The following NLRC4 variants were observed in gnomAD, a reference collection of about 807,000 sequenced individuals.
NLRC4 encodes NLR family CARD domain containing 4.
Under a neutral mutation model 79.9 loss-of-function variants are expected in NLRC4, and 63 were observed. The ratio of observed to expected loss-of-function variants is 0.79; its 90% confidence interval spans 0.64 to 0.97. The LOEUF (loss-of-function observed/expected upper bound fraction) is 0.97. NLRC4 is among the 50% of genes least tolerant of loss of function. The probability of loss-of-function intolerance (pLI) is 0.00; values close to 1 mark genes in which losing one functional copy is unlikely to be tolerated. For synonymous variants in NLRC4, 461 were observed against 456.5 expected, an observed-to-expected ratio of 1.01 and a Z score of -0.12; for missense variants, 1,074 against 1,215.2, an observed-to-expected ratio of 0.88 and a Z score of 1.73.
At chr2:32,255,449 A>G (rs1380054326) in intron 2 of NLRC4, among the ~76,000 whole-genome samples, 1 of 150,640 alleles carries the variant, frequency 6.6e-6, no homozygotes, top group Non-Finnish European at 1.5e-5. Context: ...GAACCTGGGA[A>G]GCAGAGGTTG....
Position 32,252,552 on chromosome 2 carries a change from G to A in NLRC4, c.129C>T (p.Cys43=), listed in dbSNP as rs200374202. The part of the protein sequence containing the change: ...LNREEVNIIC[C]EKVEQDAARG... ...TAGCAGCATCCTGCTCCACCTTCTC[G>A]CAGCAAATGATGTTTACTTCTTCGC... The change falls in exon 3 of 9, where the codon TGC becomes TGT. Residue 43 remains cysteine, a synonymous_variant. Transcript: ENST00000402280. 3.1e-5 allele frequency: 50 copies of A among 1,614,130 alleles called. No homozygotes were observed. The Middle Eastern group carries it at 9.9e-4, about 32-fold the overall frequency.
intron 1 of NLRC4, among the ~76,000 whole-genome samples, chr2:32,260,560 A>G (rs1687319456): frequency 6.6e-6 from 1 of 152,204 alleles, no homozygotes; most frequent in Non-Finnish European, 1.5e-5. Context: ...CCCAAATCAT[A>G]TCTTTTCTAA....
intron 8 of NLRC4, among the ~76,000 whole-genome samples, chr2:32,225,073 G>T (rs560180232): frequency 9.9e-5 from 15 of 152,110 alleles, no homozygotes; most frequent in African/African-American, 3.1e-4. Context: ...GAAATGGAAG[G>T]TTGCTTTAAT....
chr2:32,240,091 C>T (rs1378238746), intron 5 of NLRC4, among the ~76,000 whole-genome samples: 1 of 152,150 alleles, frequency 6.6e-6, no homozygotes, highest in Non-Finnish European at 1.5e-5. Flanking sequence ...AGTGATTATC[C>T]TTCCTCAGCC....
rs149360963 is a variant in NLRC4 at position 32,252,558 on chromosome 2, A to G, written c.123T>C (p.Ile41=). 2.5e-4 allele frequency: 406 copies of G among 1,614,100 alleles called. No homozygotes were observed. The highest frequency in any genetic ancestry group is 3.4e-4 in the Non-Finnish European group (399 of 1,180,040). The change falls in exon 3 of 9, where the codon ATT becomes ATC. Residue 41 remains isoleucine, a synonymous_variant. Coordinates refer to ENST00000402280, the MANE Select transcript of NLRC4 (RefSeq NM_001199138.2). ...NVLNREEVNI[I]CCEKVEQDAA... The stretch of plus-strand genomic sequence containing the variant: ...CATCCTGCTCCACCTTCTCGCAGCA[A>G]ATGATGTTTACTTCTTCGCGATTCA...
intron 4 of NLRC4, among the ~76,000 whole-genome samples, chr2:32,244,326 T>C (rs1216038498): frequency 6.6e-6 from 1 of 151,940 alleles, no homozygotes; most frequent in East Asian, 1.9e-4. Flanking sequence ...TATAAATGGA[T>C]ACAGAAAACA....
chr2:32,261,821 G>T (rs948564177), intron 1 of NLRC4, among the ~76,000 whole-genome samples: 1 of 151,876 alleles, frequency 6.6e-6, no homozygotes, highest in Non-Finnish European at 1.5e-5. Context: ...GGTGGCTCAC[G>T]CCTGTAATCC....
chr2:32,253,016 T>TA lies in NLRC4; in HGVS notation c.2-338dup, dbSNP rs752243478. Among the ~76,000 whole-genome samples the TA allele has an allele frequency of 7.0e-3, 1,019 of 145,306 alleles. 13 individuals are homozygous for TA. Among genetic ancestry groups the TA allele is most frequent in the African/African-American group, 0.022 (877 of 39,964 alleles). The stretch of plus-strand genomic sequence containing the variant: ...CTGGGCGAAAGAGCGAGACTCCGTC[T>TA]AAAAAAAAAAAATTAAATATGCATA... On this transcript the variant is annotated intron_variant, in intron 2 of 8. Coordinates refer to ENST00000402280, the MANE Select transcript of NLRC4 (RefSeq NM_001199138.2).
chr2:32,236,991 C>A (rs974091931), intron 6 of NLRC4, among the ~76,000 whole-genome samples: 2 of 152,066 alleles, frequency 1.3e-5, no homozygotes, highest in Non-Finnish European at 2.9e-5. Flanking sequence ...TTTTTTAAAG[C>A]AAGACCCAGT....
intron 7 of NLRC4, 139 bp downstream of exon 7, chr2:32,236,108 G>C: frequency 1.8e-6 from 1 of 549,778 alleles, no homozygotes; most frequent in Non-Finnish European, 3.2e-6. Flanking sequence ...GTTTAAGAAA[G>C]GCCTAAATGA....
At chr2:32,240,714 A>G (rs889035621) in intron 5 of NLRC4, among the ~76,000 whole-genome samples, 10 of 152,172 alleles carry the variant, frequency 6.6e-5, no homozygotes, top group African/African-American at 2.4e-4. Flanking sequence ...CTATGCAACT[A>G]TGAAACTATA....
intron 6 of NLRC4, among the ~76,000 whole-genome samples, chr2:32,237,696 TATC>T (rs1349368106): frequency 6.6e-6 from 1 of 152,220 alleles, no homozygotes; most frequent in African/African-American, 2.4e-5. Flanking sequence ...AAGGCTCAAT[TATC>T]ATATCATGCA....
At chr2:32,231,574 T>TG (rs759316485) in intron 8 of NLRC4, among the ~76,000 whole-genome samples, 4,457 of 74,698 alleles carry the variant, frequency 0.06, 251 homozygotes, top group Middle Eastern at 0.13. Context: ...TTTTTTTTTG[T>TG]GGGGGGGGGG....
At chr2:32,256,459 A>G (rs1268907365) in intron 2 of NLRC4, among the ~76,000 whole-genome samples, 1 of 152,172 alleles carries the variant, frequency 6.6e-6, no homozygotes, top group Admixed American at 6.6e-5. Flanking sequence ...GTTGCCACTT[A>G]GATCTATACC....
At chr2:32,241,737 C>A (rs1008564306) in intron 4 of NLRC4, among the ~76,000 whole-genome samples, 4 of 151,822 alleles carry the variant, frequency 2.6e-5, no homozygotes, top group African/African-American at 9.7e-5. Context: ...AATAATCATG[C>A]ATTAAAGAAG....
rs1174094439 is a variant in NLRC4, at chr2:32,264,877, G to A, written c.-258C>T. The A allele has an allele frequency of 6.6e-6, 1 of 151,936 alleles. No homozygotes were observed. The highest frequency in any genetic ancestry group is 2.4e-5 in the African/African-American group (1 of 41,380). The allele number at this position is 151,936 out of a possible 1,614,324, so 9.4% of individuals were successfully genotyped here. On this transcript the variant is annotated 5_prime_UTR_variant, in exon 1 of 9. Transcript: ENST00000402280. ...TACCTTCTTGTTCTGTGAGAGGACA[G>A]TGTACAGAGAGGGGAACTGCTGAGC...
At chr2:32,225,638 G>C (rs949301733) in intron 8 of NLRC4, among the ~76,000 whole-genome samples, 1 of 152,102 alleles carries the variant, frequency 6.6e-6, no homozygotes, top group Non-Finnish European at 1.5e-5. Context: ...ATATTAAATT[G>C]TGCAAAGCGT....
At chr2:32,255,882 C>T (rs902594713) in intron 2 of NLRC4, among the ~76,000 whole-genome samples, 5 of 151,920 alleles carry the variant, frequency 3.3e-5, no homozygotes, top group African/African-American at 1.2e-4. Flanking sequence ...GGCATGGTGG[C>T]ACGCGCCTGT....
intron 4 of NLRC4, among the ~76,000 whole-genome samples, chr2:32,241,433 G>A (rs1383847212): frequency 7.7e-6 from 1 of 129,910 alleles, no homozygotes; most frequent in African/African-American, 3.0e-5. Context: ...CTAGAGTGCA[G>A]TGGCGCAATC....
Sources: gnomAD v4.1 joint callset for allele counts (sites outside exome capture counted in the v4.1 genomes callset) on GRCh38, gnomAD v4.1.1 for gene constraint, MANE v1.5 for transcripts, NCBI Gene and HGNC (gene_info 2026-07-23, HGNC 2026-07-21) for gene names.